Variants in ABCB1 observed in about 807,000 individuals in gnomAD.
ABCB1 encodes ATP binding cassette subfamily B member 1, also known as ATP-dependent translocase ABCB1.
Under a neutral mutation model 142.0 loss-of-function variants are expected in ABCB1, and 69 were observed. The observed-to-expected ratio is 0.49, with a 90% CI of 0.40 to 0.59. The LOEUF (loss-of-function observed/expected upper bound fraction) is 0.59, where lower values mean the gene tolerates loss of function less well. Among genes scored for constraint, ABCB1 ranks in the 20% least tolerant of loss-of-function variants. The probability of loss-of-function intolerance (pLI) is 0.00; values close to 1 mark genes in which losing one functional copy is unlikely to be tolerated. For synonymous variants in ABCB1, 532 were observed against 539.2 expected, an observed-to-expected ratio of 0.99 and a Z score of 0.18; for missense variants, 1,326 against 1,554.7, an observed-to-expected ratio of 0.85 and a Z score of 2.47.
At position 87,541,315 on chromosome 7, in the gene ABCB1, T is replaced by C. The variant is rs199941885; in HGVS notation, c.2319+42A>G. 1.1e-5 allele frequency: 13 copies of C among 1,233,068 alleles called. No homozygotes were observed. In the Admixed American group the frequency reaches 1.5e-4, roughly 14 times the overall value. The allele number at this position is 1,233,068 out of a possible 1,614,324, so 76.4% of individuals were successfully genotyped here. ...ATAAATCCCCCCAGTTGAATAATGATGCATTTCTCAAAATGAATATAGTGA... is the reference window on the plus strand; with the variant it reads ...ATAAATCCCCCCAGTTGAATAATGACGCATTTCTCAAAATGAATATAGTGA... On this transcript the variant is annotated intron_variant, in intron 18 of 27. Transcript: ENST00000622132.
chr7:87,703,122 A>G (rs2188530), intron 1 of ABCB1, among the ~76,000 whole-genome samples: 7,353 of 152,304 alleles, frequency 0.048, 262 homozygotes, highest in East Asian at 0.091. Context: ...TTTTAAGATG[A>G]AGACATAATT....
rs1816765787 is a variant in ABCB1, at chr7:87,546,030, G to A, written c.1726-6C>T. On this transcript the variant is annotated splice_polypyrimidine_tract_variant and splice_region_variant and intron_variant, in intron 14 of 27. Transcript: ENST00000622132. ...GTGGTCCGACCTTTTCTGGCCTAAA[G>A]AGAGAGAAATTTGGTTTTTGAATAC... The A allele has an allele frequency of 4.3e-6, 7 of 1,614,068 alleles. No homozygotes were observed. The highest frequency in any genetic ancestry group is 5.9e-6 in the Non-Finnish European group (7 of 1,179,972).
chr7:87,665,895 G>A (rs2130482974), intron 1 of ABCB1, among the ~76,000 whole-genome samples: 1 of 152,112 alleles, frequency 6.6e-6, no homozygotes, highest in East Asian at 1.9e-4. Flanking sequence ...TAGCTGTATA[G>A]TACTCCATGG....
chr7:87,680,245 A>T lies in ABCB1; in HGVS notation c.-331+32916T>A, dbSNP rs542286261. On this transcript the variant is annotated intron_variant, in intron 1 of 28. Transcript: ENST00000265724. ...GGCTGCGTAGTATTCCATGGTGTGT[A>T]TGTGCCACATTTTCTTAATCCAGTC... is the stretch of plus-strand genomic sequence containing the variant. Among the ~76,000 whole-genome samples, 4 of 150,546 alleles carry T rather than the reference A, an allele frequency of 2.7e-5. No individual in the cohort carries two copies. In the South Asian group the frequency reaches 8.4e-4, roughly 32 times the overall value.
chr7:87,589,511 A>G (rs1250633982), intron 3 of ABCB1, among the ~76,000 whole-genome samples: 1 of 152,168 alleles, frequency 6.6e-6, no homozygotes, highest in Non-Finnish European at 1.5e-5. Flanking sequence ...TGCGCTGGGC[A>G]TGATGGCTCA....
chr7:87,649,539 T>C (rs28381757), intron 1 of ABCB1, among the ~76,000 whole-genome samples: 1,632 of 152,318 alleles, frequency 0.011, 27 homozygotes, highest in African/African-American at 0.036. Context: ...TAATTCTCCA[T>C]TGAGAAGATG....
intron 23 of ABCB1, among the ~76,000 whole-genome samples, chr7:87,517,474 G>C (rs934453457): frequency 6.6e-6 from 1 of 152,110 alleles, no homozygotes; most frequent in Non-Finnish European, 1.5e-5. Flanking sequence ...ACCAGCTACA[G>C]ACACAATCCA....
At chr7:87,541,213 C>A in intron 18 of ABCB1, 144 bp downstream of exon 18, 2 of 634,402 alleles carry the variant, frequency 3.2e-6, no homozygotes, top group Admixed American at 2.6e-5. Flanking sequence ...TCTTTTTTCA[C>A]TATGTCAGAA....
At chr7:87,595,710 TA>T in intron 3 of ABCB1, 55 bp downstream of exon 3, 1 of 1,314,842 alleles carries the variant, frequency 7.6e-7, no homozygotes, top group Non-Finnish European at 1.1e-6. Context: ...CTTTTCCATG[TA>T]AGGAGATGTC....
chr7:87,524,662 C>G (rs1475152080), intron 21 of ABCB1, among the ~76,000 whole-genome samples: 1 of 151,730 alleles, frequency 6.6e-6, no homozygotes, highest in African/African-American at 2.4e-5. Flanking sequence ...GTACAGCACA[C>G]CAACATGGCA....
intron 21 of ABCB1, among the ~76,000 whole-genome samples, chr7:87,528,159 T>A (rs113158842): frequency 6.6e-6 from 1 of 152,226 alleles, no homozygotes; most frequent in East Asian, 1.9e-4. Flanking sequence ...TCCCATAACA[T>A]GTGAAGATTA....
Position 87,544,868 on chromosome 7 carries a change from A to G in ABCB1, c.2019T>C (p.Arg673=). The G allele has an allele frequency of 6.2e-7, 1 of 1,614,102 alleles. No homozygotes were observed. The highest frequency in any genetic ancestry group is 8.5e-7 in the Non-Finnish European group (1 of 1,180,014). ...GCTTTCTGTCTTGGGCTTGTGATCC[A>G]CGGACACTCCTACGAGTTGATCTTT... ...IRKRSTRRSV[R]GSQAQDRKLS... is the part of the protein sequence containing the mutation. Residue 673 remains arginine (R), a synonymous_variant, in exon 16 of 28, where the codon CGT becomes CGC. Transcript: ENST00000622132.
chr7:87,539,419 C>CTAAA, intron 18 of ABCB1, 74 bp from the exon 19 acceptor site: 1 of 1,454,430 alleles, frequency 6.9e-7, no homozygotes, highest in Middle Eastern at 1.7e-4. Context: ...GATGTCTTTG[C>CTAAA]TAAAGCAGGA....
chr7:87,678,166 A>G (rs1826567406), intron 1 of ABCB1, among the ~76,000 whole-genome samples: 1 of 152,200 alleles, frequency 6.6e-6, no homozygotes, highest in African/African-American at 2.4e-5. Flanking sequence ...TCCTCTATTA[A>G]GGTCTTTCAA....
intron 1 of ABCB1, 74 bp from the exon 2 acceptor site, chr7:87,600,264 C>T (rs1356392460): frequency 1.7e-6 from 2 of 1,184,558 alleles, no homozygotes; most frequent in Admixed American, 4.3e-5. Flanking sequence ...AACCTCTAGT[C>T]CCCCGTCGAA....
chr7:87,515,557 G>T, intron 24 of ABCB1, 129 bp from the exon 25 acceptor site: 1 of 572,396 alleles, frequency 1.7e-6, no homozygotes, highest in South Asian at 3.4e-5. Flanking sequence ...ACTTCAAACT[G>T]CTAGAATTTA....
chr7:87,547,093 A>T (rs889469067), intron 14 of ABCB1, among the ~76,000 whole-genome samples: 2 of 152,154 alleles, frequency 1.3e-5, no homozygotes, highest in Non-Finnish European at 2.9e-5. Context: ...GACTTCTCTA[A>T]CCTTTGTAAC....
intron 1 of ABCB1, among the ~76,000 whole-genome samples, chr7:87,699,690 G>T (rs10250613): frequency 2.0e-5 from 3 of 152,164 alleles, no homozygotes; most frequent in Non-Finnish European, 2.9e-5. Flanking sequence ...ACAAGCATGA[G>T]CTACCATGCC....
chr7:87,706,951 A>G (rs1829650590), intron 1 of ABCB1, among the ~76,000 whole-genome samples: 1 of 152,198 alleles, frequency 6.6e-6, no homozygotes, highest in Admixed American at 6.5e-5. Flanking sequence ...GTTCAAGGGC[A>G]AGCAAGGTGA....
Sources: allele counts gnomAD v4.1 joint callset (sites outside exome capture counted in the v4.1 genomes callset), GRCh38; gene constraint gnomAD v4.1.1; transcripts MANE v1.5; gene names NCBI Gene and HGNC (gene_info 2026-07-23, HGNC 2026-07-21).